The following ENOX1 variants were observed in gnomAD, a reference collection of about 807,000 sequenced individuals.
ENOX1 encodes the protein candidate growth-related and time keeping constitutive hydroquinone (NADH) oxidase.
In ENOX1, 42 loss-of-function variants were observed where a neutral mutation model predicts 82.5. That is an observed-to-expected ratio of 0.51 (90% confidence interval 0.40 to 0.66). The LOEUF is 0.66. Among genes scored for constraint, ENOX1 ranks in the 30% least tolerant of loss-of-function variants. ENOX1 has a pLI of 0.00. For missense variants in ENOX1, 608 were observed against 811.6 expected (o/e 0.75, Z 3.05); for synonymous variants, 271 against 282.2 (o/e 0.96, Z 0.40).
At chr13:43,492,305 G>C in intron 2 of ENOX1, among the ~76,000 whole-genome samples, 1 of 152,174 alleles carries the variant, frequency 6.6e-6, no homozygotes, top group East Asian at 1.9e-4. Flanking sequence ...TACAGGCCTG[G>C]CCATTGCTTT....
rs375658026 is a variant in ENOX1 at position 43,265,928 on chromosome 13, T to C, written c.1555-474A>G. Reference sequence around the variant, plus strand: ...GGTCCTCCTTGAGAATATATTTGAATGACTGACATCTCTGGAGGACTAAAG... The same window carrying C: ...GGTCCTCCTTGAGAATATATTTGAACGACTGACATCTCTGGAGGACTAAAG... On this transcript the variant is annotated intron_variant, in intron 13 of 16. Coordinates refer to ENST00000690772, the MANE Select transcript of ENOX1 (RefSeq NM_001347969.2). Among the ~76,000 whole-genome samples, 4 of 152,368 alleles carry C rather than the reference T, an allele frequency of 2.6e-5. No homozygotes were observed. In the East Asian group the frequency reaches 7.7e-4, roughly 29 times the overall value.
chr13:43,570,244 G>C (rs1444154436), intron 2 of ENOX1, among the ~76,000 whole-genome samples: 2 of 152,206 alleles, frequency 1.3e-5, no homozygotes, highest in African/African-American at 4.8e-5. Flanking sequence ...GAAGAAATTA[G>C]AGGGTTTGGG....
At chr13:43,666,928 T>C (rs2153788557) in intron 2 of ENOX1, among the ~76,000 whole-genome samples, 1 of 152,194 alleles carries the variant, frequency 6.6e-6, no homozygotes, top group Admixed American at 6.5e-5. Flanking sequence ...ACTAACCCAA[T>C]GGGGACTGTT....
chr13:43,476,422 C>T (rs1267900623), intron 3 of ENOX1, among the ~76,000 whole-genome samples: 1 of 151,896 alleles, frequency 6.6e-6, no homozygotes, highest in Non-Finnish European at 1.5e-5. Context: ...AACAAAGAGA[C>T]AAAAAGAAAT....
intron 1 of ENOX1, among the ~76,000 whole-genome samples, chr13:43,671,466 A>G (rs1390370): frequency 0.19 from 29,231 of 152,174 alleles, 2,944 homozygotes; most frequent in South Asian, 0.28. Flanking sequence ...GAAAGCAAAC[A>G]AAAGTTCTCA....
chr13:43,756,972 CAAAAAAAA>C (rs1164153402), intron 1 of ENOX1, among the ~76,000 whole-genome samples: 2 of 28,066 alleles, frequency 7.1e-5, no homozygotes, highest in Non-Finnish European at 1.6e-4. Flanking sequence ...AAAACAACAA[CAAAAAAAA>C]AAAAAAAAAA....
intron 1 of ENOX1, among the ~76,000 whole-genome samples, chr13:43,711,689 T>C (rs2087729158): frequency 6.6e-6 from 1 of 152,184 alleles, no homozygotes; most frequent in South Asian, 2.1e-4. Context: ...GAGCATTTTT[T>C]CATGTGCTTT....
At chr13:43,346,281 AC>A (rs1213601141) in intron 8 of ENOX1, among the ~76,000 whole-genome samples, 2 of 151,942 alleles carry the variant, frequency 1.3e-5, no homozygotes. Flanking sequence ...AACTCTGGAA[AC>A]CTCTGCCTTC....
At chr13:43,507,030 A>G (rs1441454099) in intron 2 of ENOX1, among the ~76,000 whole-genome samples, 1 of 151,912 alleles carries the variant, frequency 6.6e-6, no homozygotes, top group Non-Finnish European at 1.5e-5. Context: ...ACAGAATAGA[A>G]CTTTTAAAAC....
At chr13:43,361,209 C>T in intron 6 of ENOX1, 70 bp downstream of exon 6, 3 of 1,498,506 alleles carry the variant, frequency 2.0e-6, no homozygotes, top group South Asian at 2.4e-5. Context: ...AAAATGACTG[C>T]AATGCCATTT....
chr13:43,460,335 A>G (rs189953552), intron 3 of ENOX1, among the ~76,000 whole-genome samples: 5 of 151,898 alleles, frequency 3.3e-5, no homozygotes, highest in Admixed American at 3.3e-4. Context: ...TTCTGTTTCT[A>G]TTTTTTTCAT....
intron 1 of ENOX1, among the ~76,000 whole-genome samples, chr13:43,763,764 G>A (rs1594734829): frequency 6.6e-6 from 1 of 152,166 alleles, no homozygotes; most frequent in Admixed American, 6.5e-5. Flanking sequence ...CATCTTCCCT[G>A]AGAAAGTAAG....
chr13:43,579,334 T>C, intron 2 of ENOX1, among the ~76,000 whole-genome samples: 1 of 152,194 alleles, frequency 6.6e-6, no homozygotes, highest in Non-Finnish European at 1.5e-5. Flanking sequence ...GATGGAGATA[T>C]TAGAAAGAAG....
rs117980142 is a variant in ENOX1 at position 43,734,543 on chromosome 13, C to T, written c.-285+52109G>A. On this transcript the variant is annotated intron_variant, in intron 1 of 16. Coordinates refer to ENST00000690772, the MANE Select transcript of ENOX1 (RefSeq NM_001347969.2). The stretch of plus-strand genomic sequence containing the variant: ...CCTGCCTTCCTTTCCTAAGGAAATC[C>T]TCCTGGAGGAGGCAACAAGGCAAAT... Among the ~76,000 whole-genome samples the T allele has an allele frequency of 1.7e-3, 256 of 152,288 alleles. 1 individual carries two copies. Among genetic ancestry groups the T allele is most frequent in the East Asian group, 0.014 (74 of 5,180 alleles).
At chr13:43,228,653 TAACC>T (rs1335004165) in intron 15 of ENOX1, among the ~76,000 whole-genome samples, 7 of 152,182 alleles carry the variant, frequency 4.6e-5, no homozygotes, top group Non-Finnish European at 4.4e-5. Flanking sequence ...GTATTTAAAT[TAACC>T]AAATAGTGCC....
chr13:43,397,131 C>T (rs562690774), intron 5 of ENOX1, among the ~76,000 whole-genome samples: 11 of 152,322 alleles, frequency 7.2e-5, no homozygotes, highest in Admixed American at 2.6e-4. Flanking sequence ...CCTCTCTTGG[C>T]GAAGCCCCAG....
At chr13:43,770,127 C>T (rs916052085) in intron 1 of ENOX1, among the ~76,000 whole-genome samples, 11 of 152,336 alleles carry the variant, frequency 7.2e-5, no homozygotes, top group African/African-American at 2.2e-4. Flanking sequence ...TAAACTCTAA[C>T]AAACACCATT....
At chr13:43,573,832 T>C (rs1381002900) in intron 2 of ENOX1, among the ~76,000 whole-genome samples, 1 of 152,198 alleles carries the variant, frequency 6.6e-6, no homozygotes, top group East Asian at 1.9e-4. Context: ...TGATAAAAGT[T>C]TGAGGAGTTC....
At chr13:43,730,816 C>T (rs965535373) in intron 1 of ENOX1, among the ~76,000 whole-genome samples, 2 of 152,172 alleles carry the variant, frequency 1.3e-5, no homozygotes, top group Non-Finnish European at 2.9e-5. Flanking sequence ...TGTTTTTGCT[C>T]CAGCTGTTCC....
Sources: gnomAD v4.1 joint callset for allele counts (sites outside exome capture counted in the v4.1 genomes callset) on GRCh38, gnomAD v4.1.1 for gene constraint, MANE v1.5 for transcripts, NCBI Gene and HGNC (gene_info 2026-07-23, HGNC 2026-07-21) for gene names.